HOGA1: variants seen among roughly 807,000 people sequenced by gnomAD.
HOGA1 encodes the protein 4-hydroxy-2-oxoglutarate aldolase 1.
In HOGA1, 30 loss-of-function variants were observed where a neutral mutation model predicts 34.3. The ratio of observed to expected loss-of-function variants is 0.87; its 90% CI spans 0.65 to 1.19. The LOEUF (loss-of-function observed/expected upper bound fraction) is 1.19, where lower values mean the gene tolerates loss of function less well. HOGA1 is among the 50% of genes most tolerant of loss of function. The pLI, the probability that HOGA1 is intolerant of heterozygous loss-of-function variation, is 0.00. For missense variants in HOGA1, 417 were observed against 436.5 expected (o/e 0.96, Z 0.40); for synonymous variants, 161 against 174.0 (o/e 0.93, Z 0.59).
chr10:97,606,249 C>T (rs1196786929), intron 6 of HOGA1, among the ~76,000 whole-genome samples: 2 of 150,854 alleles, frequency 1.3e-5, no homozygotes, highest in Admixed American at 6.6e-5. Context: ...TGCAGTGAGC[C>T]GAGATCATGC....
intron 5 of HOGA1, among the ~76,000 whole-genome samples, chr10:97,601,242 G>A (rs1001094697): frequency 6.6e-6 from 1 of 152,188 alleles, no homozygotes; most frequent in Non-Finnish European, 1.5e-5. Flanking sequence ...AGCCTTAGAA[G>A]CATACTTACA....
intron 6 of HOGA1, chr10:97,602,336 G>A (rs1176987661): frequency 8.1e-7 from 1 of 1,231,916 alleles, no homozygotes; most frequent in Non-Finnish European, 1.0e-6. Flanking sequence ...GAGAGAAAGA[G>A]TGTAAACCAG....
intron 1 of HOGA1, 134 bp from the exon 2 acceptor site, chr10:97,598,641 C>A: frequency 8.9e-7 from 1 of 1,129,536 alleles, no homozygotes; most frequent in Non-Finnish European, 1.3e-6. Flanking sequence ...GTCATTGCAG[C>A]TGTGTGGGAA....
chr10:97,590,699 C>G, intron 1 of HOGA1: 1 of 839,352 alleles, frequency 1.2e-6, no homozygotes, highest in South Asian at 1.7e-5. Flanking sequence ...GATGCTGTGC[C>G]CAAATCCCTA....
At position 97,584,684 on chromosome 10, in the gene HOGA1, G is replaced by T; in HGVS notation, c.-20G>T. 1 of 1,594,902 alleles carries T rather than the reference G, an allele frequency of 6.3e-7. No homozygotes were observed. Among genetic ancestry groups the T allele is most frequent in the Non-Finnish European group, 8.6e-7 (1 of 1,166,066 alleles). ...TCACTCTGGGACATAGACCAATTGT[G>T]CTTCAGGCCTCCTGCAGAGATGCTG... On this transcript the variant is annotated 5_prime_UTR_variant, in exon 1 of 7. Transcript: ENST00000370646.
intron 1 of HOGA1, chr10:97,590,523 G>A (rs752868419): frequency 3.7e-6 from 6 of 1,612,356 alleles, no homozygotes; most frequent in Non-Finnish European, 5.1e-6. Flanking sequence ...AGTCACCATG[G>A]CCACCCAAGC....
chr10:97,585,019 T>C (rs2040957105), intron 1 of HOGA1, 105 bp downstream of exon 1: 4 of 868,556 alleles, frequency 4.6e-6, no homozygotes, highest in Non-Finnish European at 7.5e-6. Flanking sequence ...AGGGATAGTC[T>C]GGTACTCAGT....
At position 97,601,932 on chromosome 10, in the gene HOGA1, C is replaced by T. The variant is rs144103035; in HGVS notation, c.776C>T (p.Thr259Met). 287 of 1,613,016 alleles carry T rather than the reference C, an allele frequency of 1.8e-4. No individual in the cohort carries two copies. The highest frequency in any genetic ancestry group is 2.2e-4 in the Non-Finnish European group (254 of 1,179,980). ...TGCCAGCTGGAGCGACTGTGCTGCA[C>T]GGGGCAATGGGAAGATGCCCAGAAA... ...QVCQLERLCC[T>M]GQWEDAQKLQ... Residue 259 changes from threonine (T) to methionine (M), a missense_variant, in exon 6 of 7, where the codon ACG (threonine) becomes ATG (methionine). Physicochemically the swap from Thr to Met is moderately conservative, Grantham distance 81. Coordinates refer to ENST00000370646, the MANE Select transcript of HOGA1 (RefSeq NM_138413.4).
chr10:97,584,710 G>C lies in HOGA1; in HGVS notation c.7G>C (p.Gly3Arg). The C allele has an allele frequency of 6.2e-7, 1 of 1,610,126 alleles. No homozygotes were observed. Among genetic ancestry groups the C allele is most frequent in the South Asian group, 1.1e-5 (1 of 90,540 alleles). ...CTTCAGGCCTCCTGCAGAGATGCTG[G>C]GTCCCCAAGTCTGGTCTTCTGTGAG... Reference protein sequence around the residue: MLGPQVWSSVRQG... With the variant: MLRPQVWSSVRQG... Residue 3 changes from glycine (G) to arginine (R), a missense_variant, in exon 1 of 7, where the codon GGT (glycine) becomes CGT (arginine). Physicochemically the swap from Gly to Arg is moderately radical, Grantham distance 125. Transcript: ENST00000370646.
chr10:97,605,700 G>A (rs4919118), intron 6 of HOGA1, among the ~76,000 whole-genome samples: 113,360 of 152,030 alleles, frequency 0.75, 42,753 homozygotes, highest in African/African-American at 0.78. Context: ...GCTATTGAAC[G>A]TTTTTTTCAT....
At chr10:97,607,677 T>A (rs867895325) in intron 6 of HOGA1, among the ~76,000 whole-genome samples, 1 of 152,280 alleles carries the variant, frequency 6.6e-6, no homozygotes, top group Middle Eastern at 3.4e-3. Flanking sequence ...TATAATTTTT[T>A]ATATAATGTC....
rs1270216139 is a variant in HOGA1, at chr10:97,611,887, G to A, written c.*228G>A. The A allele has an allele frequency of 1.7e-5, 10 of 575,640 alleles. No individual in the cohort carries two copies. The East Asian group carries it at 2.9e-4, about 17-fold the overall frequency. 35.7% of individuals were successfully genotyped at this position (575,640 alleles called of 1,614,324 possible). ...CTTTTGGATCCTAAACTGTGTCTCTGGTCTGAAGACTGGGAAGGAGCAATT... is the reference window on the plus strand; with the variant it reads ...CTTTTGGATCCTAAACTGTGTCTCTAGTCTGAAGACTGGGAAGGAGCAATT... On this transcript the variant is annotated 3_prime_UTR_variant, in exon 7 of 7. Transcript: ENST00000370646.
In HOGA1 at chr10:97,584,709, G is replaced by GGGTCT. The variant is rs924232072; in HGVS notation, c.10_11insTGGTC (p.Pro4LeufsTer9). 3 of 1,610,006 alleles carry GGGTCT rather than the reference G, an allele frequency of 1.9e-6. No individual in the cohort carries two copies. Among genetic ancestry groups the GGGTCT allele is most frequent in the Non-Finnish European group, 1.7e-6 (2 of 1,177,666 alleles). Reference sequence around the variant, plus strand: ...GCTTCAGGCCTCCTGCAGAGATGCTGGGTCCCCAAGTCTGGTCTTCTGTGA... The same window carrying GGGTCT: ...GCTTCAGGCCTCCTGCAGAGATGCTGGGTCTGGTCCCCAAGTCTGGTCTTCTGTGA... On this transcript the variant is annotated frameshift_variant, in exon 1 of 7. Transcript: ENST00000370646. LOFTEE classifies it high-confidence loss of function.
intron 1 of HOGA1, among the ~76,000 whole-genome samples, chr10:97,588,487 C>T (rs1328609708): frequency 2.0e-5 from 3 of 152,146 alleles, no homozygotes; most frequent in South Asian, 2.1e-4. Context: ...GGATTACAGG[C>T]GTGAGCCACA....
chr10:97,610,339 G>T (rs576531731), intron 6 of HOGA1, among the ~76,000 whole-genome samples: 1 of 152,224 alleles, frequency 6.6e-6, no homozygotes, highest in South Asian at 2.1e-4. Flanking sequence ...ATGCTGTCAT[G>T]CACCTGAAGT....
intron 1 of HOGA1, among the ~76,000 whole-genome samples, chr10:97,596,233 C>A (rs929697386): frequency 5.3e-5 from 8 of 152,170 alleles, no homozygotes; most frequent in Admixed American, 2.6e-4. Context: ...GTCATAGAAG[C>A]TTTGAGCACA....
intron 6 of HOGA1, among the ~76,000 whole-genome samples, chr10:97,610,296 C>T (rs960859834): frequency 3.3e-5 from 5 of 150,786 alleles, no homozygotes; most frequent in East Asian, 3.9e-4. Flanking sequence ...AGCAAGACCT[C>T]GTCTCTACAA....
intron 1 of HOGA1, among the ~76,000 whole-genome samples, chr10:97,587,498 C>G (rs960278050): frequency 6.6e-6 from 1 of 152,076 alleles, no homozygotes; most frequent in Non-Finnish European, 1.5e-5. Flanking sequence ...CTGGAAAGCA[C>G]TCCCTGAAAC....
At chr10:97,584,959 C>T in intron 1 of HOGA1, 45 bp downstream of exon 1, 17 of 1,544,194 alleles carry the variant, frequency 1.1e-5, no homozygotes, top group Non-Finnish European at 1.5e-5. Context: ...ATGTGAGTGG[C>T]CCTTTAGCCA....
Sources: gnomAD v4.1 joint callset for allele counts (sites outside exome capture counted in the v4.1 genomes callset) on GRCh38, gnomAD v4.1.1 for gene constraint, MANE v1.5 for transcripts, NCBI Gene and HGNC (gene_info 2026-07-23, HGNC 2026-07-21) for gene names.